NKAIN3: variants seen among roughly 807,000 people sequenced by gnomAD.
NKAIN3 encodes the protein sodium/potassium-transporting ATPase subunit beta-1-interacting protein 3.
A neutral mutation model predicts 30.2 loss-of-function variants in NKAIN3; 25 were observed. That is an observed-to-expected ratio of 0.83 (90% CI 0.60 to 1.16). The LOEUF is 1.16. Ranked by LOEUF, NKAIN3 falls within the 50% of genes most tolerant of loss-of-function variation. The pLI is 0.00. For synonymous variants in NKAIN3, 91 were observed against 89.6 expected, an observed-to-expected ratio of 1.02 and a Z score of -0.09; for missense variants, 225 against 254.1, an observed-to-expected ratio of 0.89 and a Z score of 0.78.
intron 1 of NKAIN3, among the ~76,000 whole-genome samples, chr8:62,285,658 G>A (rs1813358120): frequency 1.3e-5 from 2 of 152,118 alleles, no homozygotes; most frequent in South Asian, 4.1e-4. Flanking sequence ...GCCATCTGAT[G>A]TCACCACGTG....
At chr8:62,432,560 T>A (rs1472640242) in intron 1 of NKAIN3, among the ~76,000 whole-genome samples, 1 of 152,082 alleles carries the variant, frequency 6.6e-6, no homozygotes, top group Non-Finnish European at 1.5e-5. Context: ...ATGTCTGTCA[T>A]AATATTGCAC....
At chr8:62,530,656 G>A (rs1307171668) in intron 1 of NKAIN3, among the ~76,000 whole-genome samples, 1 of 151,154 alleles carries the variant, frequency 6.6e-6, no homozygotes, top group Non-Finnish European at 1.5e-5. Flanking sequence ...TATTTATTTT[G>A]AGACGGAGTT....
chr8:62,903,882 A>T (rs1381884936), intron 4 of NKAIN3, among the ~76,000 whole-genome samples: 2 of 152,044 alleles, frequency 1.3e-5, no homozygotes, highest in African/African-American at 4.8e-5. Flanking sequence ...TCTCACGGGA[A>T]CTCACTCACT....
intron 3 of NKAIN3, among the ~76,000 whole-genome samples, chr8:62,710,483 TTC>T (rs1814679363): frequency 6.6e-6 from 1 of 152,134 alleles, no homozygotes. Context: ...GTCCCTCTTT[TTC>T]TCTCTTAACC....
chr8:62,785,592 A>G (rs534251973), intron 4 of NKAIN3, among the ~76,000 whole-genome samples: 1 of 152,262 alleles, frequency 6.6e-6, no homozygotes, highest in Non-Finnish European at 1.5e-5. Context: ...TGCTATGTGA[A>G]TATATCATAA....
chr8:62,672,781 T>C (rs1813347244), intron 3 of NKAIN3, among the ~76,000 whole-genome samples: 1 of 152,220 alleles, frequency 6.6e-6, no homozygotes, highest in East Asian at 1.9e-4. Context: ...TTGTCTAGGA[T>C]TTACTCTATC....
chr8:62,328,275 A>T (rs2129589854), intron 1 of NKAIN3, among the ~76,000 whole-genome samples: 2 of 152,258 alleles, frequency 1.3e-5, no homozygotes, highest in Admixed American at 1.3e-4. Flanking sequence ...CCAAATTTAC[A>T]AGTCCAATGA....
intron 5 of NKAIN3, among the ~76,000 whole-genome samples, chr8:62,934,081 G>A (rs974974216): frequency 6.6e-6 from 1 of 152,114 alleles, no homozygotes; most frequent in Admixed American, 6.6e-5. Context: ...AAGAGAAAAT[G>A]TACTATTAAA....
chr8:62,370,107 G>A (rs142932034), intron 1 of NKAIN3, among the ~76,000 whole-genome samples: 46 of 152,038 alleles, frequency 3.0e-4, no homozygotes, highest in African/African-American at 1.0e-3. Context: ...GTTTATAAAA[G>A]TTACCAAATC....
chr8:62,841,411 C>A (rs564756778), intron 4 of NKAIN3, among the ~76,000 whole-genome samples: 1 of 152,140 alleles, frequency 6.6e-6, no homozygotes, highest in East Asian at 1.9e-4. Context: ...GATCTCTAAA[C>A]CTCCTGTCTA....
chr8:62,550,196 G>A (rs976293404), intron 1 of NKAIN3, among the ~76,000 whole-genome samples: 2 of 152,010 alleles, frequency 1.3e-5, no homozygotes, highest in Non-Finnish European at 2.9e-5. Flanking sequence ...CCTTTAAAAG[G>A]TGTTTACCTT....
chr8:62,855,039 T>A (rs1394232096), intron 4 of NKAIN3: 1 of 153,184 alleles, frequency 6.5e-6, no homozygotes, highest in Non-Finnish European at 1.4e-5. Context: ...ATTCTTTTCT[T>A]TTTTTTATTT....
rs576296169 is a variant in NKAIN3, at chr8:62,729,988, G to A, written c.274-16944G>A. Among the ~76,000 whole-genome samples the A allele has an allele frequency of 1.8e-3, 275 of 152,272 alleles. 1 individual carries two copies. Among genetic ancestry groups the A allele is most frequent in the African/African-American group, 3.4e-3 (142 of 41,546 alleles). ...CATATTGTTCTGTTTAAGATTGGCC[G>A]TTGTCCTGCATATGAGTGAACAACA... On this transcript the variant is annotated intron_variant, in intron 3 of 6. Transcript: ENST00000623646.
At chr8:62,810,760 A>G (rs1407022802) in intron 4 of NKAIN3, among the ~76,000 whole-genome samples, 1 of 150,734 alleles carries the variant, frequency 6.6e-6, no homozygotes, top group Non-Finnish European at 1.5e-5. Context: ...TTTGCCACTC[A>G]CTTGAAAAAT....
intron 5 of NKAIN3, among the ~76,000 whole-genome samples, chr8:62,941,709 G>C (rs1822957748): frequency 1.3e-5 from 2 of 152,062 alleles, no homozygotes; most frequent in Admixed American, 1.3e-4. Context: ...GCAAAATCCA[G>C]CATCCTTTTA....
intron 3 of NKAIN3, among the ~76,000 whole-genome samples, chr8:62,653,377 T>G (rs1299618686): frequency 1.3e-5 from 2 of 152,162 alleles, no homozygotes; most frequent in African/African-American, 4.8e-5. Context: ...TGATCTCATC[T>G]AAAGCTAATT....
chr8:62,487,508 G>C (rs1308568495), intron 1 of NKAIN3, among the ~76,000 whole-genome samples: 1 of 152,162 alleles, frequency 6.6e-6, no homozygotes, highest in Non-Finnish European at 1.5e-5. Context: ...AGTTAAGACA[G>C]CATTGCATGT....
chr8:62,885,494 T>A (rs889983607), intron 4 of NKAIN3, among the ~76,000 whole-genome samples: 6 of 152,236 alleles, frequency 3.9e-5, no homozygotes, highest in African/African-American at 1.4e-4. Flanking sequence ...GTCAATTATA[T>A]CCATCTGTTG....
intron 1 of NKAIN3, among the ~76,000 whole-genome samples, chr8:62,419,717 G>T (rs1183376811): frequency 6.6e-6 from 1 of 152,166 alleles, no homozygotes; most frequent in Admixed American, 6.6e-5. Flanking sequence ...AAGAAGAAAT[G>T]CTGGCTGCCA....
Sources: gnomAD v4.1 joint callset for allele counts (sites outside exome capture counted in the v4.1 genomes callset) on GRCh38, gnomAD v4.1.1 for gene constraint, MANE v1.5 for transcripts, NCBI Gene and HGNC (gene_info 2026-07-23, HGNC 2026-07-21) for gene names.